Variants in TLL1 observed in about 807,000 individuals in gnomAD.
TLL1 encodes the protein tolloid like 1, also known as tolloid-like protein 1.
Under a neutral mutation model 128.2 loss-of-function variants are expected in TLL1, and 49 were observed. That is an observed-to-expected ratio of 0.38 (90% CI 0.30 to 0.48). The LOEUF is 0.48. TLL1 is among the 20% of genes least tolerant of loss of function. The pLI is 0.96. For synonymous variants in TLL1, 454 were observed against 418.8 expected (o/e 1.08, Z -1.03); for missense variants, 1,123 against 1,242.0 (o/e 0.90, Z 1.44).
chr4:166,057,397 C>T (rs1740073633), intron 14 of TLL1, 88 bp downstream of exon 14: 1 of 1,555,982 alleles, frequency 6.4e-7, no homozygotes, highest in Non-Finnish European at 8.7e-7. Flanking sequence ...CTCTTTCTTT[C>T]CCTTTTTCCT....
chr4:165,888,883 A>T (rs533614311), intron 1 of TLL1, among the ~76,000 whole-genome samples: 8 of 152,144 alleles, frequency 5.3e-5, no homozygotes, highest in African/African-American at 1.9e-4. Context: ...GCCTTGCCCT[A>T]TGTCTTCTAT....
chr4:165,882,252 A>G (rs1029993282), intron 1 of TLL1, among the ~76,000 whole-genome samples: 1 of 152,186 alleles, frequency 6.6e-6, no homozygotes, highest in Non-Finnish European at 1.5e-5. Flanking sequence ...TATATACCAT[A>G]TGTAATATTT....
intron 1 of TLL1, among the ~76,000 whole-genome samples, chr4:165,967,339 C>T (rs188625499): frequency 7.7e-4 from 117 of 152,146 alleles, no homozygotes; most frequent in African/African-American, 2.7e-3. Context: ...ACATCCTCAG[C>T]TTATGAAGAG....
intron 1 of TLL1, among the ~76,000 whole-genome samples, chr4:165,967,186 G>T (rs1183006065): frequency 6.6e-6 from 1 of 152,162 alleles, no homozygotes; most frequent in Non-Finnish European, 1.5e-5. Context: ...GGGCAGTCAG[G>T]CCCAATGGTT....
intron 1 of TLL1, among the ~76,000 whole-genome samples, chr4:165,921,842 A>T (rs1579489916): frequency 6.6e-6 from 1 of 152,202 alleles, no homozygotes; most frequent in Non-Finnish European, 1.5e-5. Flanking sequence ...TTTAAAAAAA[A>T]GTTTAAACAT....
intron 12 of TLL1, among the ~76,000 whole-genome samples, chr4:166,051,700 C>A (rs1014021090): frequency 1.3e-5 from 2 of 152,052 alleles, no homozygotes; most frequent in African/African-American, 4.8e-5. Flanking sequence ...TAACTGAAGA[C>A]CATTCAGGTA....
chr4:165,877,758 C>T (rs558220102), intron 1 of TLL1, among the ~76,000 whole-genome samples: 26 of 150,758 alleles, frequency 1.7e-4, no homozygotes, highest in African/African-American at 6.2e-4. Flanking sequence ...ACTTCCTTCC[C>T]TTCTTTCCCT....
In TLL1 at chr4:166,104,124, G is replaced by C. The variant is rs781369042; in HGVS notation, c.*3248G>C. ...TAAAATAGCTTGGTCTCTTTTATTT[G>C]GTTTGTAATACTGCTGTATTTTTGG... On this transcript the variant is annotated 3_prime_UTR_variant, in exon 21 of 21. Transcript: ENST00000061240. Among the ~76,000 whole-genome samples the C allele has an allele frequency of 2.6e-5, 4 of 151,658 alleles. No individual in the cohort carries two copies. Among genetic ancestry groups the C allele is most frequent in the Non-Finnish European group, 5.9e-5 (4 of 67,844 alleles).
chr4:166,079,292 G>A (rs1247217380), intron 18 of TLL1, among the ~76,000 whole-genome samples: 1 of 152,146 alleles, frequency 6.6e-6, no homozygotes, highest in Non-Finnish European at 1.5e-5. Context: ...TTTTCGTGGA[G>A]ACATTTCTTT....
At chr4:166,016,077 T>C (rs1579627054) in intron 8 of TLL1, among the ~76,000 whole-genome samples, 2 of 152,060 alleles carry the variant, frequency 1.3e-5, no homozygotes, top group East Asian at 3.9e-4. Context: ...TACTTAATAT[T>C]CATTAATTTA....
intron 1 of TLL1, among the ~76,000 whole-genome samples, chr4:165,889,254 T>C (rs1467565418): frequency 1.3e-5 from 2 of 152,172 alleles, no homozygotes; most frequent in Non-Finnish European, 2.9e-5. Flanking sequence ...TATCGTTATA[T>C]ATCAAATATA....
At chr4:165,926,080 G>C (rs961188948) in intron 1 of TLL1, among the ~76,000 whole-genome samples, 2 of 152,104 alleles carry the variant, frequency 1.3e-5, no homozygotes, top group Non-Finnish European at 2.9e-5. Flanking sequence ...ACTTTATTGT[G>C]GTAGTCTGGA....
chr4:166,057,377 G>C, intron 14 of TLL1, 68 bp downstream of exon 14: 1 of 1,564,668 alleles, frequency 6.4e-7, no homozygotes, highest in Non-Finnish European at 8.6e-7. Context: ...CTCATTCTCT[G>C]TCTGTCTTCC....
At chr4:166,026,730 A>C (rs1400391082) in intron 9 of TLL1, among the ~76,000 whole-genome samples, 1 of 152,106 alleles carries the variant, frequency 6.6e-6, no homozygotes, top group Non-Finnish European at 1.5e-5. Context: ...GAAATAGATG[A>C]AAACATGTCT....
At chr4:165,889,680 T>C (rs1731309580) in intron 1 of TLL1, among the ~76,000 whole-genome samples, 1 of 152,206 alleles carries the variant, frequency 6.6e-6, no homozygotes, top group African/African-American at 2.4e-5. Context: ...GGATTGGAAA[T>C]ATGTTTCTGC....
chr4:166,061,467 A>T (rs1740310836), intron 15 of TLL1, among the ~76,000 whole-genome samples: 1 of 151,854 alleles, frequency 6.6e-6, no homozygotes, highest in Non-Finnish European at 1.5e-5. Flanking sequence ...CTAATCTCGA[A>T]TTCTTGACTT....
chr4:165,996,955 T>C (rs1460059014), intron 5 of TLL1, among the ~76,000 whole-genome samples: 1 of 151,900 alleles, frequency 6.6e-6, no homozygotes, highest in Admixed American at 6.6e-5. Context: ...ATAGTAGTAA[T>C]GCAGTAATGC....
chr4:166,087,816 T>G (rs1741593557), intron 18 of TLL1, among the ~76,000 whole-genome samples: 1 of 152,072 alleles, frequency 6.6e-6, no homozygotes, highest in Non-Finnish European at 1.5e-5. Flanking sequence ...GTTCCAGAAA[T>G]AAAGTTATTA....
At chr4:165,982,959 A>G (rs1473797668) in intron 1 of TLL1, among the ~76,000 whole-genome samples, 1 of 151,912 alleles carries the variant, frequency 6.6e-6, no homozygotes, top group African/African-American at 2.4e-5. Flanking sequence ...GACGTGGGAA[A>G]TATAAATAAA....
Sources: allele counts gnomAD v4.1 joint callset (sites outside exome capture counted in the v4.1 genomes callset), GRCh38; gene constraint gnomAD v4.1.1; transcripts MANE v1.5; gene names NCBI Gene and HGNC (gene_info 2026-07-23, HGNC 2026-07-21).